OVCH2: variants seen among roughly 807,000 people sequenced by gnomAD.
OVCH2 encodes the protein ovochymase-2.
A neutral mutation model predicts 73.7 loss-of-function variants in OVCH2; 88 were observed. The observed-to-expected ratio is 1.19, with a 90% confidence interval of 1.01 to 1.43. The LOEUF is 1.43. Ranked by LOEUF, OVCH2 falls within the 40% of genes most tolerant of loss-of-function variation. OVCH2 has a pLI of 0.00. For missense variants in OVCH2, 706 were observed against 674.5 expected (o/e 1.05, Z -0.52); for synonymous variants, 265 against 234.5 (o/e 1.13, Z -1.19).
intron 11 of OVCH2, 59 bp from the exon 12 acceptor site, chr11:7,695,247 C>A: frequency 1.3e-6 from 2 of 1,485,110 alleles, no homozygotes; most frequent in African/African-American, 1.4e-5. Context: ...AGAATTCTCA[C>A]TGCTCTCCCT....
downstream of OVCH2, among the ~76,000 whole-genome samples, chr11:7,688,255 C>T (rs1273426137): frequency 6.6e-6 from 1 of 152,168 alleles, no homozygotes; most frequent in Non-Finnish European, 1.5e-5. Context: ...CACCCCATCC[C>T]AGGCTTGATT....
chr11:7,703,827 C>T (rs1856487605), intron 2 of OVCH2, 38 bp from the exon 3 acceptor site: 1 of 1,495,460 alleles, frequency 6.7e-7, no homozygotes, highest in Non-Finnish European at 9.2e-7. Flanking sequence ...CAAGTTCATG[C>T]CCTGGGATCC....
At chr11:7,688,795 TGGACAAACAAGGAAC>T (rs1856170675), downstream of OVCH2, among the ~76,000 whole-genome samples, 3 of 152,324 alleles carry the variant, frequency 2.0e-5, no homozygotes, top group South Asian at 6.2e-4. Flanking sequence ...ATGGATGTCA[TGGACAAACAAGGAAC>T]AGGGAAAGCC....
Position 7,689,534 on chromosome 11 carries a change from C to T in OVCH2, c.*100G>A, listed in dbSNP as rs34126248. On this transcript the variant is annotated 3_prime_UTR_variant, in exon 16 of 16. Transcript: ENST00000533663. ...GGATGGCTCTGTCTGAGGGCTGTGA[C>T]GAGGAGTCTGCCCCAAGCCTCTCCT... 56,262 of 432,670 alleles carry T rather than the reference C, an allele frequency of 0.13. 4,063 individuals carry two copies. Among genetic ancestry groups the T allele is most frequent in the African/African-American group, 0.21 (10,245 of 49,868 alleles). 26.8% of individuals were successfully genotyped at this position (432,670 alleles called of 1,614,324 possible).
rs765581884 is a variant in OVCH2 at position 7,691,913 on chromosome 11, T to C, written c.1496A>G (p.Lys499Arg). The C allele has an allele frequency of 2.9e-5, 46 of 1,567,292 alleles. No individual in the cohort carries two copies. In the East Asian group the frequency reaches 1.0e-3, roughly 34 times the overall value. Residue 499 changes from lysine (K) to arginine (R), a missense_variant, in exon 13 of 16, where the codon AAG becomes AGG. Coordinates refer to ENST00000533663, the MANE Select transcript of OVCH2 (RefSeq NM_198185.7). ...CAGAGGACACAAACCTATTTCCTTC[T>C]TCCTTTCTACATCGCTGTGCACTGT... ...YVTVHSDVER[K>R]KEIARLCGYD...
intron 4 of OVCH2, 104 bp downstream of exon 4, chr11:7,702,053 C>G: frequency 9.0e-7 from 1 of 1,113,782 alleles, no homozygotes; most frequent in Non-Finnish European, 1.3e-6. Context: ...AAATTCCTAT[C>G]TCAAAGTGCA....
intron 7 of OVCH2, 68 bp downstream of exon 7, chr11:7,700,228 C>G: frequency 6.7e-7 from 1 of 1,495,128 alleles, no homozygotes; most frequent in Non-Finnish European, 9.2e-7. Context: ...TTTGCCAGGA[C>G]TCTGCTGATG....
intron 11 of OVCH2, among the ~76,000 whole-genome samples, 166 bp downstream of exon 11, chr11:7,695,404 G>A (rs1418661837): frequency 6.6e-6 from 1 of 152,206 alleles, no homozygotes; most frequent in Non-Finnish European, 1.5e-5. Context: ...TGAACTCAGG[G>A]TTGAGGGGGA....
intron 7 of OVCH2, chr11:7,699,065 T>C (rs1856387547): frequency 1.5e-5 from 5 of 331,666 alleles, no homozygotes; most frequent in Non-Finnish European, 2.8e-5. Flanking sequence ...GAGATGGAAA[T>C]AGTTTGTCCA....
chr11:7,687,956 G>T (rs545668695), downstream of OVCH2, among the ~76,000 whole-genome samples: 1 of 151,996 alleles, frequency 6.6e-6, no homozygotes, highest in East Asian at 1.9e-4. Context: ...TAATCCCATC[G>T]ATGAGGGCTC....
At position 7,701,762 on chromosome 11, in the gene OVCH2, C is replaced by T; in HGVS notation, c.513G>A (p.Glu171=). ...CTGCAGTTGTACAAATAAAACCAGCCTCAAATTGCTCCCGCAGCTCTGGAA... is the reference window on the plus strand; with the variant it reads ...CTGCAGTTGTACAAATAAAACCAGCTTCAAATTGCTCCCGCAGCTCTGGAA... ...ICLPELREQF[E]AGFICTTAGW... Residue 171 remains glutamate (E), a synonymous_variant, in exon 5 of 16, where the codon GAG becomes GAA. Coordinates refer to ENST00000533663, the MANE Select transcript of OVCH2 (RefSeq NM_198185.7). The T allele has an allele frequency of 6.2e-7, 1 of 1,612,666 alleles. No individual in the cohort carries two copies.
chr11:7,694,802 A>AG lies in OVCH2; in HGVS notation c.1413+255_1413+256insC, dbSNP rs1367554413. On this transcript the variant is annotated intron_variant, in intron 12 of 15. Transcript: ENST00000533663. ...AATTCAATACAAAGATTAAAGCGGC[A>AG]CTTTTTTTTTTTTTTTTTTTTTTTA... 3.9e-4 allele frequency among the ~76,000 whole-genome samples: 23 copies of AG among 58,834 alleles called. No homozygotes were observed. In the South Asian group the frequency reaches 0.016, roughly 41 times the overall value. 38.6% of individuals were successfully genotyped at this position (58,834 alleles called of 152,430 possible). A position where few individuals can be genotyped will look rare whatever the true frequency, so the allele number is the denominator to read the frequency against.
intron 5 of OVCH2, 68 bp from the exon 6 acceptor site, chr11:7,701,543 T>C: frequency 1.3e-6 from 2 of 1,548,490 alleles, no homozygotes; most frequent in South Asian, 2.5e-5. Context: ...AGATGCATCA[T>C]TTGTGTTTGT....
chr11:7,695,413 G>GA (rs1484261176), intron 11 of OVCH2, among the ~76,000 whole-genome samples, 157 bp downstream of exon 11: 1 of 152,226 alleles, frequency 6.6e-6, no homozygotes, highest in Non-Finnish European at 1.5e-5. Context: ...GGTTGAGGGG[G>GA]AGACTGCCCC....
chr11:7,699,617 T>C (rs1311619819), intron 7 of OVCH2: 1 of 152,170 alleles, frequency 6.6e-6, no homozygotes, highest in African/African-American at 2.4e-5. Flanking sequence ...CCACAGTTGG[T>C]TGAATCTGCT....
intron 12 of OVCH2, among the ~76,000 whole-genome samples, chr11:7,693,968 T>C (rs1483918974): frequency 6.6e-6 from 1 of 152,192 alleles, no homozygotes; most frequent in East Asian, 1.9e-4. Context: ...TTTTCTTTGG[T>C]TTTGTTTGTG....
rs766218887 is a variant in OVCH2 at position 7,706,327 on chromosome 11, G to T, written c.68C>A (p.Ala23Glu). 1.9e-6 allele frequency: 3 copies of T among 1,590,584 alleles called. No homozygotes were observed. Among genetic ancestry groups the T allele is most frequent in the Non-Finnish European group, 2.6e-6 (3 of 1,167,142 alleles). The change falls in exon 1 of 16, where the codon GCA becomes GAA. Residue 23 changes from alanine to glutamate, a missense_variant. Physicochemically the swap from Ala to Glu is moderately radical, Grantham distance 107. Transcript: ENST00000533663. ...GIVFFERGKSATLSLPKAPSC... is the reference protein window; with the variant it reads ...GIVFFERGKSETLSLPKAPSC... Reference sequence around the variant, plus strand: ...CTTACCTTTGGGGAGCGAAAGAGTTGCAGATTTACCTCGTTCAAAAAAGAC... The same window carrying T: ...CTTACCTTTGGGGAGCGAAAGAGTTTCAGATTTACCTCGTTCAAAAAAGAC...
chr11:7,678,969 G>A, the OVCH2 span, among the ~76,000 whole-genome samples: 1 of 152,150 alleles, frequency 6.6e-6, no homozygotes, highest in Non-Finnish European at 1.5e-5. Flanking sequence ...TTAAATGAAT[G>A]TTTGCTCTCA....
rs937658055 is a variant in OVCH2, at chr11:7,704,646, C to T, written c.117G>A (p.Lys39=). 9 of 1,612,418 alleles carry T rather than the reference C, an allele frequency of 5.6e-6. No individual in the cohort carries two copies. The highest frequency in any genetic ancestry group is 7.6e-6 in the Non-Finnish European group (9 of 1,179,222). ...TGTTAAAATAATTCCAAGGCTGTAC[C>T]TTAACCAGACTCTGCCCACAACTGG... is the stretch of plus-strand genomic sequence containing the variant. ...KAPSCGQSLV[K]VQPWNYFNIF... The change falls in exon 2 of 16, where the codon AAG becomes AAA. Residue 39 remains lysine, a synonymous_variant. Coordinates refer to ENST00000533663, the MANE Select transcript of OVCH2 (RefSeq NM_198185.7).
Sources: gnomAD v4.1 joint callset for allele counts (sites outside exome capture counted in the v4.1 genomes callset) on GRCh38, gnomAD v4.1.1 for gene constraint, MANE v1.5 for transcripts, NCBI Gene and HGNC (gene_info 2026-07-23, HGNC 2026-07-21) for gene names.